NRF1: variants seen among roughly 807,000 people sequenced by gnomAD.
NRF1 encodes nuclear respiratory factor 1.
A neutral mutation model predicts 58.5 loss-of-function variants in NRF1; 5 were observed. That is an observed-to-expected ratio of 0.09 (90% CI 0.04 to 0.18). The LOEUF is 0.18. NRF1 is among the 10% of genes least tolerant of loss of function. The pLI is 1.00. For missense variants in NRF1, 288 were observed against 657.7 expected, an observed-to-expected ratio of 0.44 and a Z score of 6.15; for synonymous variants, 224 against 246.7, an observed-to-expected ratio of 0.91 and a Z score of 0.86.
At chr7:129,633,591 T>TTA (rs1232640546) in intron 1 of NRF1, 1 of 152,152 alleles carries the variant, frequency 6.6e-6, no homozygotes, top group Non-Finnish European at 1.5e-5. Flanking sequence ...CCACCAAACT[T>TTA]TTTAAAGTGA....
At chr7:129,713,599 C>CT (rs1803125007) in intron 8 of NRF1, among the ~76,000 whole-genome samples, 1 of 152,200 alleles carries the variant, frequency 6.6e-6, no homozygotes. Context: ...GAGCCCTGTG[C>CT]CAGGCACTGT....
chr7:129,754,317 G>A (rs1804194640), intron 10 of NRF1, among the ~76,000 whole-genome samples: 1 of 150,872 alleles, frequency 6.6e-6, no homozygotes, highest in South Asian at 2.1e-4. Context: ...AATTATATTA[G>A]CCAGGCATGG....
At chr7:129,619,429 T>TACACACAC (rs1384098912) in intron 1 of NRF1, among the ~76,000 whole-genome samples, 6 of 75,158 alleles carry the variant, frequency 8.0e-5, no homozygotes, top group African/African-American at 2.1e-4. Context: ...TATATATATA[T>TACACACAC]ATATACACAC....
intron 10 of NRF1, chr7:129,744,058 T>G: frequency 1.1e-6 from 1 of 912,116 alleles, no homozygotes; most frequent in South Asian, 1.7e-5. Flanking sequence ...AGCGAGGCTG[T>G]GCACCCTGCA....
At chr7:129,642,757 A>C (rs10246951) in intron 1 of NRF1, among the ~76,000 whole-genome samples, 25,379 of 108,028 alleles carry the variant, frequency 0.23, 3,245 homozygotes, top group African/African-American at 0.41. Context: ...TCTTTAAAAA[A>C]TTTTTTTTTT....
chr7:129,612,038 G>A (rs1800543242), intron 1 of NRF1, among the ~76,000 whole-genome samples: 1 of 149,862 alleles, frequency 6.7e-6, no homozygotes, highest in Non-Finnish European at 1.5e-5. Flanking sequence ...GCCGCACTAG[G>A]CCCCAGGCGT....
intron 1 of NRF1, among the ~76,000 whole-genome samples, chr7:129,619,951 T>A (rs7781972): frequency 0.45 from 67,709 of 151,758 alleles, 17,107 homozygotes; most frequent in African/African-American, 0.68. Context: ...TTAAAATTGT[T>A]TGAAAAGTTA....
chr7:129,750,562 G>C (rs1175601024), intron 10 of NRF1, among the ~76,000 whole-genome samples: 1 of 152,174 alleles, frequency 6.6e-6, no homozygotes, highest in African/African-American at 2.4e-5. Context: ...GAAAACAGCG[G>C]AATTGGGGTT....
At chr7:129,619,457 C>G in intron 1 of NRF1, among the ~76,000 whole-genome samples, 1 of 27,890 alleles carries the variant, frequency 3.6e-5, no homozygotes, top group Non-Finnish European at 6.3e-5. Context: ...CATATATATA[C>G]ACGTGTGTGT....
intron 10 of NRF1, among the ~76,000 whole-genome samples, chr7:129,727,677 T>G (rs1803479525): frequency 6.6e-6 from 1 of 152,218 alleles, no homozygotes; most frequent in South Asian, 2.1e-4. Flanking sequence ...ATTTTGTCTT[T>G]TACTGTCTCA....
chr7:129,694,571 T>C (rs1057152890), intron 5 of NRF1, among the ~76,000 whole-genome samples: 2 of 152,184 alleles, frequency 1.3e-5, no homozygotes, highest in African/African-American at 4.8e-5. Context: ...TTTCACCACG[T>C]TGACCAGACT....
intron 5 of NRF1, among the ~76,000 whole-genome samples, chr7:129,699,687 C>T (rs1451870696): frequency 3.3e-5 from 5 of 151,194 alleles, no homozygotes; most frequent in African/African-American, 1.2e-4. Flanking sequence ...GCCGAGATCG[C>T]GCCACTGCAC....
At chr7:129,690,574 T>A (rs370334260) in intron 5 of NRF1, 28 bp downstream of exon 5, 6 of 1,613,096 alleles carry the variant, frequency 3.7e-6, no homozygotes, top group Non-Finnish European at 5.1e-6. Flanking sequence ...AGGAGGAGAC[T>A]CAAAGACAAG....
intron 8 of NRF1, among the ~76,000 whole-genome samples, chr7:129,713,002 T>C (rs1803109525): frequency 6.6e-6 from 1 of 152,200 alleles, no homozygotes; most frequent in African/African-American, 2.4e-5. Context: ...TGTTTCTTGG[T>C]ACTATTTAAA....
At chr7:129,650,279 A>G (rs1331625891) in intron 1 of NRF1, among the ~76,000 whole-genome samples, 1 of 151,104 alleles carries the variant, frequency 6.6e-6, no homozygotes, top group African/African-American at 2.4e-5. Flanking sequence ...ACAGGTCATT[A>G]TGTATTGCCG....
At chr7:129,655,560 C>T (rs1376421654) in intron 1 of NRF1, among the ~76,000 whole-genome samples, 1 of 151,052 alleles carries the variant, frequency 6.6e-6, no homozygotes, top group Non-Finnish European at 1.5e-5. Flanking sequence ...GTTGCTGTGT[C>T]ACCCAGGCTG....
chr7:129,724,904 G>A (rs1291060339), intron 9 of NRF1, among the ~76,000 whole-genome samples: 1 of 152,134 alleles, frequency 6.6e-6, no homozygotes, highest in African/African-American at 2.4e-5. Context: ...AATGACATTG[G>A]ATTTGCCTGT....
At chr7:129,744,665 G>T (rs1803929756) in intron 10 of NRF1, among the ~76,000 whole-genome samples, 1 of 152,224 alleles carries the variant, frequency 6.6e-6, no homozygotes, top group African/African-American at 2.4e-5. Flanking sequence ...TTGGGATAGA[G>T]TTCTTTCCAT....
At chr7:129,699,409 TGATAAA>T (rs1279938763) in intron 5 of NRF1, among the ~76,000 whole-genome samples, 1 of 151,896 alleles carries the variant, frequency 6.6e-6, no homozygotes, top group Non-Finnish European at 1.5e-5. Flanking sequence ...GTTGGCAAAA[TGATAAA>T]GATAGAAAAT....
Sources: allele counts gnomAD v4.1 joint callset (sites outside exome capture counted in the v4.1 genomes callset), GRCh38; gene constraint gnomAD v4.1.1; transcripts MANE v1.5; gene names NCBI Gene and HGNC (gene_info 2026-07-23, HGNC 2026-07-21).